The following PEBP4 variants were observed in gnomAD, a reference collection of about 807,000 sequenced individuals.
The protein encoded by PEBP4 is phosphatidylethanolamine-binding protein 4.
Under a neutral mutation model 23.9 loss-of-function variants are expected in PEBP4, and 22 were observed. The ratio of observed to expected loss-of-function variants is 0.92; its 90% CI spans 0.66 to 1.31. PEBP4 has a LOEUF of 1.31. PEBP4 is among the 40% of genes most tolerant of loss of function. The pLI, the probability that PEBP4 is intolerant of heterozygous loss-of-function variation, is 0.00. For synonymous variants in PEBP4, 112 were observed against 99.3 expected, an observed-to-expected ratio of 1.13 and a Z score of -0.76; for missense variants, 324 against 281.7, an observed-to-expected ratio of 1.15 and a Z score of -1.07.
At chr8:22,797,210 G>A (rs137916021) in intron 4 of PEBP4, among the ~76,000 whole-genome samples, 2,768 of 144,986 alleles carry the variant, frequency 0.019, 82 homozygotes, top group African/African-American at 0.067. Context: ...CTGAGATTGC[G>A]CCATTGTACT....
At chr8:22,786,927 C>A (rs1348149623) in intron 4 of PEBP4, among the ~76,000 whole-genome samples, 2 of 151,962 alleles carry the variant, frequency 1.3e-5, no homozygotes, top group Non-Finnish European at 1.5e-5. Context: ...CCCAAGTGAT[C>A]CTCCCACTTC....
chr8:22,741,721 C>A (rs1268938686), intron 4 of PEBP4, among the ~76,000 whole-genome samples: 2 of 152,204 alleles, frequency 1.3e-5, no homozygotes, highest in Non-Finnish European at 2.9e-5. Flanking sequence ...AGAGGAGGAA[C>A]CCTGACTGTC....
chr8:22,836,889 A>G (rs1807216114), intron 3 of PEBP4, among the ~76,000 whole-genome samples: 1 of 149,100 alleles, frequency 6.7e-6, no homozygotes, highest in South Asian at 2.1e-4. Context: ...AAGAGAAAGA[A>G]AAAAAAAAAG....
chr8:22,748,124 G>A (rs1476143307), intron 4 of PEBP4, among the ~76,000 whole-genome samples: 1 of 152,210 alleles, frequency 6.6e-6, no homozygotes, highest in Non-Finnish European at 1.5e-5. Flanking sequence ...GGAGGTGTGA[G>A]GAAGGGAGAC....
intron 4 of PEBP4, among the ~76,000 whole-genome samples, chr8:22,741,898 C>T (rs925589197): frequency 1.3e-5 from 2 of 152,124 alleles, no homozygotes; most frequent in African/African-American, 2.4e-5. Flanking sequence ...GGTGACAGTG[C>T]GCAGGGACAC....
At chr8:22,790,120 G>A (rs1335114582) in intron 4 of PEBP4, among the ~76,000 whole-genome samples, 1 of 152,242 alleles carries the variant, frequency 6.6e-6, no homozygotes, top group African/African-American at 2.4e-5. Flanking sequence ...CAGCACCAGA[G>A]CTGTGGTCTT....
chr8:22,759,906 G>A (rs756215546), intron 4 of PEBP4, among the ~76,000 whole-genome samples: 15 of 152,130 alleles, frequency 9.9e-5, no homozygotes, highest in Non-Finnish European at 1.9e-4. Flanking sequence ...GCTTGCATCT[G>A]TGTGTGCCCT....
chr8:22,862,684 G>C (rs543848939), intron 3 of PEBP4, among the ~76,000 whole-genome samples: 2 of 152,078 alleles, frequency 1.3e-5, no homozygotes, highest in Admixed American at 6.5e-5. Context: ...CTATAGGTGA[G>C]AAAACTGAGG....
chr8:22,776,486 CG>C, intron 4 of PEBP4, among the ~76,000 whole-genome samples: 1 of 151,912 alleles, frequency 6.6e-6, no homozygotes, highest in Non-Finnish European at 1.5e-5. Context: ...CTCCTGGTTA[CG>C]CCATCGGTCT....
chr8:22,783,346 C>T (rs1325454255), intron 4 of PEBP4, among the ~76,000 whole-genome samples: 1 of 152,256 alleles, frequency 6.6e-6, no homozygotes, highest in Non-Finnish European at 1.5e-5. Context: ...TGGATGAACG[C>T]CTCCTGGGAT....
chr8:22,726,958 C>T (rs1804632483), intron 5 of PEBP4, among the ~76,000 whole-genome samples: 1 of 152,210 alleles, frequency 6.6e-6, no homozygotes, highest in South Asian at 2.1e-4. Context: ...TAGCCATTCA[C>T]ATGGCGCAGG....
chr8:22,840,476 A>G (rs774218980), intron 3 of PEBP4, among the ~76,000 whole-genome samples: 2 of 151,320 alleles, frequency 1.3e-5, no homozygotes, highest in Non-Finnish European at 2.9e-5. Flanking sequence ...CCTTGGGCCC[A>G]AGCAATCTTC....
chr8:22,860,183 CATATATATGTAT>C (rs1807741804), intron 3 of PEBP4, among the ~76,000 whole-genome samples: 2 of 65,324 alleles, frequency 3.1e-5, no homozygotes, highest in African/African-American at 8.5e-5. Context: ...TATATATACA[CATATATATGTAT>C]ATATATATAT....
intron 4 of PEBP4, among the ~76,000 whole-genome samples, chr8:22,804,731 C>T (rs1322504194): frequency 1.3e-5 from 2 of 152,186 alleles, no homozygotes; most frequent in East Asian, 3.9e-4. Context: ...CCCAGAGATT[C>T]TGACTTAGCT....
intron 4 of PEBP4, among the ~76,000 whole-genome samples, chr8:22,781,280 T>C (rs1437139766): frequency 6.7e-6 from 1 of 150,338 alleles, no homozygotes; most frequent in African/African-American, 2.5e-5. Flanking sequence ...TGTGGAGGAG[T>C]AGGGAGTTCC....
intron 3 of PEBP4, among the ~76,000 whole-genome samples, chr8:22,831,850 G>A (rs1807088736): frequency 6.6e-6 from 1 of 152,216 alleles, no homozygotes; most frequent in Non-Finnish European, 1.5e-5. Context: ...TGTCTGGAGG[G>A]TGGAGTTCAC....
chr8:22,713,407 G>C lies in PEBP4; in HGVS notation c.647C>G (p.Pro216Arg). Residue 216 changes from proline to arginine, a missense_variant, in exon 7 of 7, where the codon CCC becomes CGC. Physicochemically the swap from Pro to Arg is moderately radical, Grantham distance 103. Coordinates refer to ENST00000256404, the MANE Select transcript of PEBP4 (RefSeq NM_144962.3). Reference sequence around the variant, plus strand: ...TATCTCCGCCTGGTTTTTGTGCTTGGGCTCGCTGGCCCTTTCTCTGGGAGC... The same window carrying C: ...TATCTCCGCCTGGTTTTTGTGCTTGCGCTCGCTGGCCCTTTCTCTGGGAGC... ...LQAPRERASE[P>R]KHKNQAEIAA... The C allele has an allele frequency of 6.2e-7, 1 of 1,608,176 alleles. No individual in the cohort carries two copies. Among genetic ancestry groups the C allele is most frequent in the East Asian group, 2.2e-5 (1 of 44,830 alleles).
At chr8:22,881,264 C>T (rs528858411) in intron 3 of PEBP4, among the ~76,000 whole-genome samples, 8 of 152,202 alleles carry the variant, frequency 5.3e-5, no homozygotes, top group Non-Finnish European at 1.0e-4. Flanking sequence ...GCGGTAGTTG[C>T]TCATTTTGGG....
intron 4 of PEBP4, among the ~76,000 whole-genome samples, chr8:22,735,908 G>A (rs1016442120): frequency 1.3e-5 from 2 of 152,226 alleles, no homozygotes; most frequent in Non-Finnish European, 2.9e-5. Flanking sequence ...TAGAAAAATT[G>A]TAAAACACAG....
Sources: allele counts gnomAD v4.1 joint callset (sites outside exome capture counted in the v4.1 genomes callset), GRCh38; gene constraint gnomAD v4.1.1; transcripts MANE v1.5; gene names NCBI Gene and HGNC (gene_info 2026-07-23, HGNC 2026-07-21).